The following SORCS2 variants were observed in gnomAD, a reference collection of about 807,000 sequenced individuals.
SORCS2 encodes the protein sortilin related VPS10 domain containing receptor 2.
In SORCS2, 100 loss-of-function variants were observed where a neutral mutation model predicts 141.6. The observed-to-expected ratio is 0.71, with a 90% CI of 0.60 to 0.83. The LOEUF (loss-of-function observed/expected upper bound fraction) is 0.83. Among genes scored for constraint, SORCS2 ranks in the 40% least tolerant of loss-of-function variants. SORCS2 has a pLI of 0.00. For synonymous variants in SORCS2, 789 were observed against 676.9 expected (o/e 1.17, Z -2.57); for missense variants, 1,646 against 1,560.2 (o/e 1.05, Z -0.93).
At chr4:7,208,532 C>T (rs966629510) in intron 1 of SORCS2, among the ~76,000 whole-genome samples, 5 of 152,198 alleles carry the variant, frequency 3.3e-5, no homozygotes, top group African/African-American at 7.2e-5. Context: ...TCCCTTTGTA[C>T]ACCCCGGCAG....
intron 3 of SORCS2, among the ~76,000 whole-genome samples, chr4:7,564,593 G>A (rs1030714040): frequency 1.3e-5 from 2 of 152,230 alleles, no homozygotes; most frequent in African/African-American, 4.8e-5. Flanking sequence ...TGGCATGCCT[G>A]CTTCACATGG....
rs145379234 is a variant in SORCS2 at position 7,687,516 on chromosome 4, G to A, written c.1489-1970G>A. 8.2e-3 allele frequency among the ~76,000 whole-genome samples: 1,243 copies of A among 152,134 alleles called. 8 individuals are homozygous for A. The highest frequency in any genetic ancestry group is 0.02 in the Middle Eastern group (6 of 294). ...GTCACTATTGGATCCAGGTGTTTCCGGAACCCTCAGATGGCTCTCCAGGGG... is the reference window on the plus strand; with the variant it reads ...GTCACTATTGGATCCAGGTGTTTCCAGAACCCTCAGATGGCTCTCCAGGGG... On this transcript the variant is annotated intron_variant, in intron 10 of 26. Coordinates refer to ENST00000507866, the MANE Select transcript of SORCS2 (RefSeq NM_020777.3).
intron 1 of SORCS2, among the ~76,000 whole-genome samples, chr4:7,378,645 G>A (rs759079833): frequency 6.6e-6 from 1 of 152,146 alleles, no homozygotes; most frequent in African/African-American, 2.4e-5. Context: ...GCAATTCAAG[G>A]TGAGATTTAG....
chr4:7,452,405 G>A (rs1266619920), intron 2 of SORCS2, among the ~76,000 whole-genome samples: 4 of 152,218 alleles, frequency 2.6e-5, no homozygotes, highest in African/African-American at 9.6e-5. Flanking sequence ...GCCTCCCAAA[G>A]TGCTGGGATT....
chr4:7,703,431 T>A, intron 13 of SORCS2, 60 bp downstream of exon 13: 1 of 1,418,174 alleles, frequency 7.1e-7, no homozygotes, highest in Non-Finnish European at 9.7e-7. Context: ...TCTTTCCACC[T>A]GGGAACCCTC....
At chr4:7,560,427 G>A (rs1714451557) in intron 3 of SORCS2, among the ~76,000 whole-genome samples, 1 of 152,118 alleles carries the variant, frequency 6.6e-6, no homozygotes, top group Non-Finnish European at 1.5e-5. Flanking sequence ...GGTAGACAGG[G>A]GCTGTGCTTT....
In SORCS2 at chr4:7,664,591, T is replaced by A; in HGVS notation, c.1071+120T>A. 1.4e-6 allele frequency: 1 copy of A among 696,450 alleles called. No individual in the cohort carries two copies. The highest frequency in any genetic ancestry group is 2.0e-5 in the South Asian group (1 of 51,200). 43.1% of individuals were successfully genotyped at this position (696,450 alleles called of 1,614,324 possible). A position where few individuals can be genotyped will look rare whatever the true frequency, so the allele number is the denominator to read the frequency against. On this transcript the variant is annotated intron_variant, in intron 7 of 26. Transcript: ENST00000507866. The surrounding 1 kb of genome is among the most constrained non-coding windows in gnomAD (Gnocchi z 4.7). ...ATAAAACGGGTATTTCACTCTCAAA[T>A]GCTACTTCGCAGGTCACGGTTTCTG...
At chr4:7,441,676 C>G (rs1314378343) in intron 2 of SORCS2, among the ~76,000 whole-genome samples, 1 of 149,420 alleles carries the variant, frequency 6.7e-6, no homozygotes, top group Non-Finnish European at 1.5e-5. Flanking sequence ...TCACCCTCCA[C>G]CTCCTGCCCC....
chr4:7,642,657 C>T (rs1297449941), intron 4 of SORCS2, among the ~76,000 whole-genome samples: 1 of 152,200 alleles, frequency 6.6e-6, no homozygotes, highest in East Asian at 1.9e-4. Context: ...AACAATCATA[C>T]TGAGTAACAC....
At chr4:7,460,547 C>T (rs1292101643) in intron 2 of SORCS2, among the ~76,000 whole-genome samples, 2 of 152,250 alleles carry the variant, frequency 1.3e-5, no homozygotes, top group African/African-American at 4.8e-5. Flanking sequence ...GCCCTCTGGC[C>T]GCTTAGACCC....
At chr4:7,517,577 T>G (rs1733069430) in intron 2 of SORCS2, among the ~76,000 whole-genome samples, 1 of 152,194 alleles carries the variant, frequency 6.6e-6, no homozygotes, top group African/African-American at 2.4e-5. Context: ...ATCTGCGAAC[T>G]GGCATACGAA....
At chr4:7,360,918 G>A (rs1178514935) in intron 1 of SORCS2, among the ~76,000 whole-genome samples, 2 of 151,862 alleles carry the variant, frequency 1.3e-5, no homozygotes, top group African/African-American at 4.8e-5. Flanking sequence ...CCTCTTTGGA[G>A]GCAGGAGCAC....
chr4:7,526,609 G>A (rs895027738), intron 2 of SORCS2, among the ~76,000 whole-genome samples: 30 of 152,286 alleles, frequency 2.0e-4, no homozygotes, highest in African/African-American at 7.0e-4. Context: ...CATTCTACAG[G>A]TGCCCAGACC....
chr4:7,312,535 G>A (rs572449032), intron 1 of SORCS2, among the ~76,000 whole-genome samples: 89 of 152,286 alleles, frequency 5.8e-4, no homozygotes, highest in African/African-American at 2.0e-3. Flanking sequence ...AGCAAGGCCT[G>A]GAGCTTCTTT....
In SORCS2 at chr4:7,516,607, GC is replaced by G. The variant is rs376324903; in HGVS notation, c.549-14920del. Among the ~76,000 whole-genome samples, 497 of 152,318 alleles carry G rather than the reference GC, an allele frequency of 3.3e-3. 8 individuals carry two copies. The highest frequency in any genetic ancestry group is 0.011 in the African/African-American group (466 of 41,566). On this transcript the variant is annotated intron_variant, in intron 2 of 26. Coordinates refer to ENST00000507866, the MANE Select transcript of SORCS2 (RefSeq NM_020777.3). ...CGGTGCTGCTTTTCCTTGGTGGAAT[GC>G]CCTGGCCTTTTTATGCAGGACAGGC...
chr4:7,248,327 A>C (rs1340705568), intron 1 of SORCS2, among the ~76,000 whole-genome samples: 1 of 89,984 alleles, frequency 1.1e-5, no homozygotes, highest in Non-Finnish European at 2.6e-5. Flanking sequence ...GCAGGTGTAC[A>C]GGTCACCGTG....
At chr4:7,721,811 C>G (rs943949415) in intron 18 of SORCS2, among the ~76,000 whole-genome samples, 1 of 152,098 alleles carries the variant, frequency 6.6e-6, no homozygotes, top group African/African-American at 2.4e-5. Flanking sequence ...TTGGGGAGAG[C>G]CGGGTACGGG....
chr4:7,667,311 C>T, intron 8 of SORCS2, 98 bp downstream of exon 8: 2 of 1,136,242 alleles, frequency 1.8e-6, no homozygotes, highest in Non-Finnish European at 2.6e-6. Context: ...TTGGCGGTCC[C>T]AGGTCAGGAT....
rs527863607 is a variant in SORCS2, at chr4:7,664,044, G to A, written c.953-309G>A. Reference sequence around the variant, plus strand: ...GAGACTTCAGGAGGGTATGGGGGCCGTGCATGTCTGGGTGTGGCGAGGTAC... The same window carrying A: ...GAGACTTCAGGAGGGTATGGGGGCCATGCATGTCTGGGTGTGGCGAGGTAC... On this transcript the variant is annotated intron_variant, in intron 6 of 26. Coordinates refer to ENST00000507866, the MANE Select transcript of SORCS2 (RefSeq NM_020777.3). This position sits in a 1 kb window ranked among gnomAD's most constrained non-coding sequence, Gnocchi z 4.7. Among the ~76,000 whole-genome samples, 1 of 152,302 alleles carries A rather than the reference G, an allele frequency of 6.6e-6. No individual in the cohort carries two copies. Among genetic ancestry groups the A allele is most frequent in the East Asian group, 1.9e-4 (1 of 5,178 alleles).
Sources: allele counts gnomAD v4.1 joint callset (sites outside exome capture counted in the v4.1 genomes callset), GRCh38; gene constraint gnomAD v4.1.1; non-coding constraint Gnocchi (gnomAD v3.1); transcripts MANE v1.5; gene names NCBI Gene and HGNC (gene_info 2026-07-23, HGNC 2026-07-21).